Variants in POLE observed in about 807,000 individuals in gnomAD.
POLE encodes the protein DNA polymerase epsilon catalytic subunit A.
Under a neutral mutation model 279.2 loss-of-function variants are expected in POLE, and 188 were observed. That is an observed-to-expected ratio of 0.67 (90% CI 0.60 to 0.76). The LOEUF (loss-of-function observed/expected upper bound fraction) is 0.76, where lower values mean the gene tolerates loss of function less well. Ranked by LOEUF, POLE falls within the 30% of genes least tolerant of loss-of-function variation. POLE has a pLI of 0.00. For synonymous variants in POLE, 1,214 were observed against 1,172.5 expected (o/e 1.04, Z -0.72); for missense variants, 2,703 against 3,016.7 (o/e 0.90, Z 2.44).
At chr12:132,669,064 G>C in intron 16 of POLE, 125 bp from the exon 17 acceptor site, 1 of 827,672 alleles carries the variant, frequency 1.2e-6, no homozygotes, top group Non-Finnish European at 1.8e-6. Flanking sequence ...GCAAAAACTA[G>C]CCAGAAGAAA....
intron 45 of POLE, among the ~76,000 whole-genome samples, chr12:132,627,246 C>A (rs1043478841): frequency 3.3e-5 from 5 of 151,598 alleles, no homozygotes; most frequent in African/African-American, 9.7e-5. Context: ...TGCACCACTG[C>A]ACTCCAGCCT....
chr12:132,643,221 C>A lies in POLE; in HGVS notation c.4551+3G>T. Reference sequence around the variant, plus strand: ...GTGCTGCCATGGAGGGCCCAGGACTCACAGTGTCCAGCACAAAGACGGATG... The same window carrying A: ...GTGCTGCCATGGAGGGCCCAGGACTAACAGTGTCCAGCACAAAGACGGATG... On this transcript the variant is annotated splice_donor_region_variant and intron_variant, in intron 35 of 48. Coordinates refer to ENST00000320574, the MANE Select transcript of POLE (RefSeq NM_006231.4). The A allele has an allele frequency of 6.2e-7, 1 of 1,613,162 alleles. No individual in the cohort carries two copies. The highest frequency in any genetic ancestry group is 1.1e-5 in the South Asian group (1 of 91,042).
At chr12:132,641,432 G>C (rs1028485441) in intron 39 of POLE, 4 of 588,672 alleles carry the variant, frequency 6.8e-6, no homozygotes, top group Non-Finnish European at 1.2e-5. Context: ...AGGGAGGTCA[G>C]AGGCAGCACA....
At chr12:132,666,286 C>T (rs1337600556) in intron 20 of POLE, among the ~76,000 whole-genome samples, 2 of 152,228 alleles carry the variant, frequency 1.3e-5, no homozygotes, top group Non-Finnish European at 2.9e-5. Context: ...TGTTGATAAA[C>T]CTTGAAAACA....
chr12:132,627,701 A>G (rs1380371698), intron 45 of POLE, among the ~76,000 whole-genome samples: 4 of 152,236 alleles, frequency 2.6e-5, no homozygotes, highest in Admixed American at 2.6e-4. Flanking sequence ...TATTGCTCAG[A>G]AATATTAACG....
Position 132,634,307 on chromosome 12 carries a change from C to T in POLE, c.5883G>A (p.Gly1961=). The change falls in exon 43 of 49, where the codon GGG becomes GGA. Residue 1961 remains glycine (G), a synonymous_variant. Transcript: ENST00000320574. The surrounding 1 kb of genome is among the most constrained non-coding windows in gnomAD (Gnocchi z 4.0). ...ENEDDEEERD[G]EEEEEAEESN... ...ATTCCTCCGCCTCTTCCTCCTCCTC[C>T]CCATCTCTTTCCTCCTCATCGTCCT... 1 of 1,614,110 alleles carries T rather than the reference C, an allele frequency of 6.2e-7. No homozygotes were observed. Among genetic ancestry groups the T allele is most frequent in the Non-Finnish European group, 8.5e-7 (1 of 1,179,938 alleles).
At chr12:132,686,194 A>AT (rs2043260352) in intron 1 of POLE, among the ~76,000 whole-genome samples, 1 of 151,810 alleles carries the variant, frequency 6.6e-6, no homozygotes, top group African/African-American at 2.4e-5. Context: ...TTTTCTGCTT[A>AT]TGGCAGGCCA....
rs1064796047 is a variant in POLE, at chr12:132,649,001, C to A, written c.4077G>T (p.Arg1359Ser). ...ALVGSDLHCI[R>S]LSIPRVFYVN... Reference sequence around the variant, plus strand: ...CGTAGAACACACGGGGGATGCTCAGCCTGATGCAGTGCAAGTCACTGCCAA... The same window carrying A: ...CGTAGAACACACGGGGGATGCTCAGACTGATGCAGTGCAAGTCACTGCCAA... Residue 1359 changes from arginine to serine, a missense_variant, in exon 32 of 49, where the codon AGG (arginine) becomes AGT (serine). By Grantham distance (110) the Arg-to-Ser change is moderately radical. Transcript: ENST00000320574. 2.5e-6 allele frequency: 4 copies of A among 1,614,044 alleles called. No homozygotes were observed. Among genetic ancestry groups the A allele is most frequent in the Admixed American group, 1.7e-5 (1 of 60,028 alleles).
chr12:132,634,152 G>C lies in POLE; in HGVS notation c.6004+34C>G. 1 of 1,562,514 alleles carries C rather than the reference G, an allele frequency of 6.4e-7. No homozygotes were observed. Among genetic ancestry groups the C allele is most frequent in the Non-Finnish European group, 8.7e-7 (1 of 1,144,696 alleles). On this transcript the variant is annotated intron_variant, in intron 43 of 48. Coordinates refer to ENST00000320574, the MANE Select transcript of POLE (RefSeq NM_006231.4). The surrounding 1 kb of genome is among the most constrained non-coding windows in gnomAD (Gnocchi z 4.0). ...CATCTACTAACCATGAGTCCCTTCA[G>C]TGGGGGCTGCGCAGCCCTGGGCTCT...
chr12:132,632,112 C>T (rs1413634321), intron 45 of POLE, among the ~76,000 whole-genome samples: 1 of 151,852 alleles, frequency 6.6e-6, no homozygotes, highest in Non-Finnish European at 1.5e-5. Context: ...CATGTAGGTA[C>T]CTCCCCCTTG....
chr12:132,634,832 GCC>G lies in POLE; in HGVS notation c.5812-456_5812-455del, dbSNP rs1032021132. Among the ~76,000 whole-genome samples the G allele has an allele frequency of 7.2e-5, 11 of 152,168 alleles. No homozygotes were observed. The highest frequency in any genetic ancestry group is 2.4e-4 in the African/African-American group (10 of 41,512). On this transcript the variant is annotated intron_variant, in intron 42 of 48. Transcript: ENST00000320574. The surrounding 1 kb of genome is among the most constrained non-coding windows in gnomAD (Gnocchi z 4.0). ...TAGACACCGACACCCACTGCCACCT[GCC>G]CTGACCACACGCTGATCCCCTCCTC...
Position 132,677,903 on chromosome 12 carries a change from C to T in POLE, c.579-184G>A, listed in dbSNP as rs546681595. Among the ~76,000 whole-genome samples the T allele has an allele frequency of 2.3e-3, 356 of 152,286 alleles. 2 individuals carry two copies. Among genetic ancestry groups the T allele is most frequent in the Middle Eastern group, 0.01 (3 of 294 alleles). On this transcript the variant is annotated intron_variant, in intron 6 of 48. Coordinates refer to ENST00000320574, the MANE Select transcript of POLE (RefSeq NM_006231.4). Reference sequence around the variant, plus strand: ...TAAGAATGGCTTGGACTGGGCCAGGCGTGGCAGCTCACGCCTGTAATCCCA... The same window carrying T: ...TAAGAATGGCTTGGACTGGGCCAGGTGTGGCAGCTCACGCCTGTAATCCCA...
At chr12:132,628,480 T>C (rs897408955) in intron 45 of POLE, among the ~76,000 whole-genome samples, 3 of 152,000 alleles carry the variant, frequency 2.0e-5, no homozygotes, top group African/African-American at 7.3e-5. Context: ...CTGTCTCTAT[T>C]AAAAATACAA....
intron 32 of POLE, among the ~76,000 whole-genome samples, chr12:132,646,146 T>G (rs2042278807): frequency 6.6e-6 from 1 of 152,178 alleles, no homozygotes; most frequent in Non-Finnish European, 1.5e-5. Context: ...CAATTTGGGA[T>G]AATTTGAGTC....
chr12:132,643,748 C>T (rs2138556411), intron 33 of POLE, 89 bp downstream of exon 33: 3 of 1,500,796 alleles, frequency 2.0e-6, no homozygotes, highest in Non-Finnish European at 1.8e-6. Flanking sequence ...CGCTGCTGTT[C>T]CCCAGCCCAC....
chr12:132,652,798 A>T (rs1296025200), intron 29 of POLE, among the ~76,000 whole-genome samples: 1 of 152,150 alleles, frequency 6.6e-6, no homozygotes, highest in Admixed American at 6.5e-5. Flanking sequence ...CTCTCCTCTC[A>T]TCTTGTCAAG....
rs2042204426 is a variant in POLE, at chr12:132,643,519, C to G, written c.4332G>C (p.Val1444=). 1 of 1,614,210 alleles carries G rather than the reference C, an allele frequency of 6.2e-7. No homozygotes were observed. Among genetic ancestry groups the G allele is most frequent in the Non-Finnish European group, 8.5e-7 (1 of 1,180,042 alleles). The change falls in exon 34 of 49, where the codon GTG becomes GTC. Residue 1444 remains valine (V), a synonymous_variant. Transcript: ENST00000320574. ...LFRALVHLGC[V]CVVNKQLVRH... is the part of the protein sequence containing the mutation. ...TCACCAGCTGTTTATTGACCACACA[C>G]ACACAGCCCAGGTGCACCAGGGCCC...
intron 29 of POLE, among the ~76,000 whole-genome samples, chr12:132,652,276 CAT>C (rs1162228488): frequency 6.7e-6 from 1 of 148,898 alleles, no homozygotes; most frequent in East Asian, 2.0e-4. Flanking sequence ...ACCCCAGCAT[CAT>C]AGTCTCCTGA....
intron 10 of POLE, 51 bp downstream of exon 10, chr12:132,676,043 T>C (rs749362183): frequency 3.3e-6 from 4 of 1,216,080 alleles, no homozygotes; most frequent in South Asian, 2.5e-5. Flanking sequence ...AAGATCCACA[T>C]GTCCGTTCTT....
Sources: gnomAD v4.1 joint callset for allele counts (sites outside exome capture counted in the v4.1 genomes callset) on GRCh38, gnomAD v4.1.1 for gene constraint, Gnocchi (gnomAD v3.1) non-coding constraint, MANE v1.5 for transcripts, NCBI Gene and HGNC (gene_info 2026-07-23, HGNC 2026-07-21) for gene names.